LAPTM4B: variants seen among roughly 807,000 people sequenced by gnomAD.
LAPTM4B encodes lysosomal-associated transmembrane protein 4B.
In LAPTM4B, 26 loss-of-function variants were observed where a neutral mutation model predicts 28.5. The observed-to-expected ratio is 0.91, with a 90% CI of 0.67 to 1.27. The LOEUF is 1.27. LAPTM4B is among the 50% of genes most tolerant of loss of function. The probability of loss-of-function intolerance (pLI) is 0.00; values close to 1 mark genes in which losing one functional copy is unlikely to be tolerated. For synonymous variants in LAPTM4B, 109 were observed against 106.4 expected (o/e 1.02, Z -0.15); for missense variants, 288 against 285.8 (o/e 1.01, Z -0.06).
chr8:97,781,318 T>G (rs1816309762), intron 1 of LAPTM4B, among the ~76,000 whole-genome samples: 1 of 115,456 alleles, frequency 8.7e-6, no homozygotes, highest in Non-Finnish European at 1.8e-5. Flanking sequence ...TTGCTCTTAT[T>G]GCTCAGGCCG....
At chr8:97,805,324 C>CTTTTTTTTTTTTTTTTTTTTTTTTTTTTT in intron 1 of LAPTM4B, 29 bp from the exon 2 acceptor site, 1 of 840,930 alleles carries the variant, frequency 1.2e-6, no homozygotes, top group Non-Finnish European at 1.8e-6. Flanking sequence ...TACTTAAATT[C>CTTTTTTTTTTTTTTTTTTTTTTTTTTTTT]TTTTTTTTTT....
At chr8:97,823,350 T>TTTTG (rs1554592186) in intron 5 of LAPTM4B, among the ~76,000 whole-genome samples, 7 of 38,190 alleles carry the variant, frequency 1.8e-4, no homozygotes, top group Admixed American at 5.9e-4. Context: ...TATGGTTTTT[T>TTTTG]TTTTTGTTTT....
At position 97,776,073 on chromosome 8, in the gene LAPTM4B, CGCACCGGCACCATCCT is replaced by C; in HGVS notation, c.67_82del (p.Thr23SerfsTer6). 1 of 1,589,132 alleles carries C rather than the reference CGCACCGGCACCATCCT, an allele frequency of 6.3e-7. No individual in the cohort carries two copies. Among genetic ancestry groups the C allele is most frequent in the Non-Finnish European group, 8.5e-7 (1 of 1,172,498 alleles). On this transcript the variant is annotated frameshift_variant, in exon 1 of 7. Transcript: ENST00000521545. LOFTEE classifies it high-confidence loss of function. The stretch of plus-strand genomic sequence containing the variant: ...CAGCTGCTGCTTGTGCTGCCATGTC[CGCACCGGCACCATCCT>C]GCTCGGCGTCTGGTATCTGGTGAGC...
intron 1 of LAPTM4B, among the ~76,000 whole-genome samples, chr8:97,799,270 C>A (rs1037157488): frequency 3.3e-5 from 5 of 152,168 alleles, no homozygotes; most frequent in African/African-American, 1.2e-4. Context: ...AGAAAAATTA[C>A]AACAATTTAG....
intron 1 of LAPTM4B, among the ~76,000 whole-genome samples, chr8:97,786,308 C>T (rs1329186766): frequency 6.6e-6 from 1 of 151,806 alleles, no homozygotes; most frequent in Non-Finnish European, 1.5e-5. Flanking sequence ...GCAGTTGCAG[C>T]TTCCAAGGGA....
intron 6 of LAPTM4B, among the ~76,000 whole-genome samples, chr8:97,836,592 G>A (rs535537350): frequency 1.3e-5 from 2 of 152,026 alleles, no homozygotes; most frequent in Admixed American, 1.3e-4. Flanking sequence ...CTAAATGTAG[G>A]GAACCTGATT....
chr8:97,847,527 C>A (rs1223393979), intron 6 of LAPTM4B, among the ~76,000 whole-genome samples: 1 of 152,182 alleles, frequency 6.6e-6, no homozygotes, highest in Non-Finnish European at 1.5e-5. Context: ...AGAGTTGTCA[C>A]CAGTTTTGTT....
chr8:97,823,188 A>G (rs891097021), intron 5 of LAPTM4B, among the ~76,000 whole-genome samples: 2 of 152,054 alleles, frequency 1.3e-5, no homozygotes, highest in Non-Finnish European at 2.9e-5. Context: ...AATAAGAAAT[A>G]AGGTCAATGA....
intron 6 of LAPTM4B, among the ~76,000 whole-genome samples, chr8:97,828,730 A>G (rs1817131700): frequency 6.6e-6 from 1 of 152,172 alleles, no homozygotes; most frequent in Non-Finnish European, 1.5e-5. Context: ...GGATTGGAGG[A>G]CAGAAAGTGA....
intron 1 of LAPTM4B, among the ~76,000 whole-genome samples, chr8:97,776,564 C>A (rs1008729332): frequency 1.3e-5 from 2 of 152,208 alleles, no homozygotes; most frequent in African/African-American, 2.4e-5. Flanking sequence ...GTTAGGGTTG[C>A]GGATTTGTCA....
At chr8:97,823,779 C>G (rs1817048677) in intron 5 of LAPTM4B, among the ~76,000 whole-genome samples, 1 of 150,902 alleles carries the variant, frequency 6.6e-6, no homozygotes, top group African/African-American at 2.4e-5. Context: ...CTCACTGCAA[C>G]TGCCACCTCC....
At chr8:97,812,222 TTTTTG>T (rs1258692605) in intron 2 of LAPTM4B, among the ~76,000 whole-genome samples, 2 of 42,944 alleles carry the variant, frequency 4.7e-5, no homozygotes, top group East Asian at 2.5e-3. Flanking sequence ...TTTTTGTTGT[TTTTTG>T]TTTTTTTTTT....
Position 97,814,973 on chromosome 8 carries a change from T to A in LAPTM4B, c.212-355T>A, listed in dbSNP as rs554698730. Among the ~76,000 whole-genome samples the A allele has an allele frequency of 7.9e-5, 12 of 152,322 alleles. No individual in the cohort carries two copies. The East Asian group carries it at 2.3e-3, about 29-fold the overall frequency. ...TCCCAAAGTGTTGGGATTATAGGTG[T>A]GAGCCACCGCACCTGGCCGGAGTTT... On this transcript the variant is annotated intron_variant, in intron 2 of 6. Transcript: ENST00000521545.
rs377520166 is a variant in LAPTM4B, at chr8:97,782,906, T to TTTTTTTTA, written c.99+6801_99+6802insTTTTATTT. Among the ~76,000 whole-genome samples the TTTTTTTTA allele has an allele frequency of 5.5e-3, 739 of 135,106 alleles. 4 individuals are homozygous for TTTTTTTTA. Among genetic ancestry groups the TTTTTTTTA allele is most frequent in the Non-Finnish European group, 6.0e-3 (385 of 63,702 alleles). 88.6% of individuals were successfully genotyped at this position (135,106 alleles called of 152,430 possible). A position where few individuals can be genotyped will look rare whatever the true frequency, so the allele number is the denominator to read the frequency against. On this transcript the variant is annotated intron_variant, in intron 1 of 6. Coordinates refer to ENST00000521545, the MANE Select transcript of LAPTM4B (RefSeq NM_018407.6). ...ACCACCATACCTGGCTAATTTTGTATTTTATTTATTTATTTATTTATTTAT... is the reference window on the plus strand; with the variant it reads ...ACCACCATACCTGGCTAATTTTGTATTTTTTTTATTTATTTATTTATTTATTTATTTAT...
At chr8:97,832,461 A>AT (rs1817194880) in intron 6 of LAPTM4B, among the ~76,000 whole-genome samples, 1 of 152,156 alleles carries the variant, frequency 6.6e-6, no homozygotes, top group Admixed American at 6.5e-5. Flanking sequence ...TGCCATTTTT[A>AT]AGATGAGGAA....
At chr8:97,846,630 A>G (rs1381504277) in intron 6 of LAPTM4B, among the ~76,000 whole-genome samples, 2 of 152,204 alleles carry the variant, frequency 1.3e-5, no homozygotes, top group Non-Finnish European at 2.9e-5. Flanking sequence ...TCAGGCCTAA[A>G]TATTTTCTAT....
chr8:97,802,834 T>C (rs1385058162), intron 1 of LAPTM4B, among the ~76,000 whole-genome samples: 1 of 152,198 alleles, frequency 6.6e-6, no homozygotes, highest in Non-Finnish European at 1.5e-5. Flanking sequence ...GGGAAGTGGC[T>C]CTTCTCATTA....
chr8:97,848,475 T>A (rs1373693945), intron 6 of LAPTM4B, among the ~76,000 whole-genome samples: 1 of 151,120 alleles, frequency 6.6e-6, no homozygotes, highest in African/African-American at 2.5e-5. Context: ...GAATATTGTG[T>A]TTTGCCTAGA....
chr8:97,786,694 C>T (rs1466223056), intron 1 of LAPTM4B, among the ~76,000 whole-genome samples: 3 of 142,908 alleles, frequency 2.1e-5, no homozygotes, highest in Non-Finnish European at 3.1e-5. Context: ...GCGAGACTCC[C>T]GTCTCAGAAA....
Sources: gnomAD v4.1 joint callset for allele counts (sites outside exome capture counted in the v4.1 genomes callset) on GRCh38, gnomAD v4.1.1 for gene constraint, MANE v1.5 for transcripts, NCBI Gene and HGNC (gene_info 2026-07-23, HGNC 2026-07-21) for gene names.